The following SPI1 variants were observed in gnomAD, a reference collection of about 807,000 sequenced individuals.
SPI1 encodes Spi-1 proto-oncogene, also known as transcription factor PU.1.
Under a neutral mutation model 30.7 loss-of-function variants are expected in SPI1, and 3 were observed. The observed-to-expected ratio is 0.10, with a 90% confidence interval of 0.04 to 0.25. The LOEUF (loss-of-function observed/expected upper bound fraction) is 0.25, where lower values mean the gene tolerates loss of function less well. SPI1 is among the 10% of genes least tolerant of loss of function. SPI1 has a pLI of 1.00. For missense variants in SPI1, 261 were observed against 371.5 expected (o/e 0.70, Z 2.45); for synonymous variants, 169 against 157.1 (o/e 1.08, Z -0.56).
In SPI1 at chr11:47,375,760, C is replaced by G. The variant is rs373969852; in HGVS notation, c.46-31G>C. 18 of 1,579,460 alleles carry G rather than the reference C, an allele frequency of 1.1e-5. No individual in the cohort carries two copies. The highest frequency in any genetic ancestry group is 1.7e-5 in the Admixed American group (1 of 59,942). ...GAGAGAGGAGGTGTCAGGGCCTGCA[C>G]CATGGTGGGAGACCCCAGCCAGGCC... On this transcript the variant is annotated intron_variant, in intron 1 of 4. Transcript: ENST00000378538. This position sits in a 1 kb window ranked among gnomAD's most constrained non-coding sequence, Gnocchi z 4.2.
chr11:47,356,197 C>T lies in SPI1; in HGVS notation c.494-651G>A, dbSNP rs532323907. 7.3e-5 allele frequency among the ~76,000 whole-genome samples: 11 copies of T among 151,408 alleles called. No individual in the cohort carries two copies. In the East Asian group the frequency reaches 1.6e-3, roughly 22 times the overall value. On this transcript the variant is annotated intron_variant, in intron 4 of 4. Transcript: ENST00000378538. ...TTTCTCACACACCCACACAATGCAC[C>T]AGCTCACACTCACACACATGCTCAC...
chr11:47,355,068 G>T lies in SPI1; in HGVS notation c.*159C>A. On this transcript the variant is annotated 3_prime_UTR_variant, in exon 5 of 5. Coordinates refer to ENST00000378538, the MANE Select transcript of SPI1 (RefSeq NM_003120.3). ...GAGGGAGGCGAAGCGGGATGTGGAGGGGGCCTGGAGTGGGGGGAGGGGGCG... is the reference window on the plus strand; with the variant it reads ...GAGGGAGGCGAAGCGGGATGTGGAGTGGGCCTGGAGTGGGGGGAGGGGGCG... The T allele has an allele frequency of 4.6e-6, 2 of 438,756 alleles. No individual in the cohort carries two copies. The highest frequency in any genetic ancestry group is 7.3e-6 in the Non-Finnish European group (2 of 273,992). 27.2% of individuals were successfully genotyped at this position (438,756 alleles called of 1,614,324 possible).
intron 2 of SPI1, among the ~76,000 whole-genome samples, chr11:47,365,204 C>G (rs1281656229): frequency 6.6e-6 from 1 of 152,196 alleles, no homozygotes; most frequent in African/African-American, 2.4e-5. Context: ...TGTCCCTTCA[C>G]TGGGCCACCC....
chr11:47,359,342 G>T lies in SPI1; in HGVS notation c.331-336C>A, dbSNP rs2142883795. Among the ~76,000 whole-genome samples, 1 of 152,284 alleles carries T rather than the reference G, an allele frequency of 6.6e-6. No homozygotes were observed. The highest frequency in any genetic ancestry group is 2.1e-4 in the South Asian group (1 of 4,828). On this transcript the variant is annotated intron_variant, in intron 3 of 4. Transcript: ENST00000378538. The surrounding 1 kb of genome is among the most constrained non-coding windows in gnomAD (Gnocchi z 5.1). Reference sequence around the variant, plus strand: ...CGCATTAGGCTGGGGTCAGAAGAGGGCATGCTAGGGACCGGTGCGTTGGGT... The same window carrying T: ...CGCATTAGGCTGGGGTCAGAAGAGGTCATGCTAGGGACCGGTGCGTTGGGT...
chr11:47,369,221 C>T (rs1255335036), intron 2 of SPI1, among the ~76,000 whole-genome samples: 1 of 152,200 alleles, frequency 6.6e-6, no homozygotes, highest in African/African-American at 2.4e-5. Context: ...CACTGCACTC[C>T]AGCCTGGGTG....
intron 2 of SPI1, among the ~76,000 whole-genome samples, chr11:47,361,253 C>T (rs1400410160): frequency 6.6e-6 from 1 of 152,216 alleles, no homozygotes; most frequent in Non-Finnish European, 1.5e-5. Context: ...CAAGGTGTGA[C>T]AGCAGAGTCA....
intron 4 of SPI1, among the ~76,000 whole-genome samples, chr11:47,357,464 C>T (rs529846314): frequency 2.1e-3 from 312 of 152,098 alleles, no homozygotes; most frequent in Non-Finnish European, 3.2e-3. Context: ...CAGACACCTA[C>T]TTGCACACTC....
At chr11:47,357,860 C>A (rs554648209) in intron 4 of SPI1, among the ~76,000 whole-genome samples, 6 of 151,968 alleles carry the variant, frequency 3.9e-5, no homozygotes, top group Non-Finnish European at 5.9e-5. Context: ...CCACCACGCC[C>A]GGCCCACTCA....
chr11:47,357,479 G>T (rs995312983), intron 4 of SPI1, among the ~76,000 whole-genome samples: 2 of 150,772 alleles, frequency 1.3e-5, no homozygotes, highest in Middle Eastern at 6.6e-3. Flanking sequence ...ACACTCAAAT[G>T]CTCACACACA....
chr11:47,356,805 C>T (rs995272335), intron 4 of SPI1, among the ~76,000 whole-genome samples: 1 of 151,114 alleles, frequency 6.6e-6, no homozygotes, highest in Non-Finnish European at 1.5e-5. Flanking sequence ...CTTGCACGCA[C>T]ACACCTGCTT....
In SPI1 at chr11:47,355,140, G is replaced by T. The variant is rs2095906062; in HGVS notation, c.*87C>A. The stretch of plus-strand genomic sequence containing the variant: ...CCACAGTCCTGCCTCTGGGCCCCGG[G>T]AGCGTCCTCCCTGTGTCCGGGCCGG... On this transcript the variant is annotated 3_prime_UTR_variant, in exon 5 of 5. Coordinates refer to ENST00000378538, the MANE Select transcript of SPI1 (RefSeq NM_003120.3). 2.7e-6 allele frequency: 3 copies of T among 1,102,142 alleles called. No individual in the cohort carries two copies. Among genetic ancestry groups the T allele is most frequent in the Non-Finnish European group, 3.5e-6 (3 of 868,396 alleles). The allele number at this position is 1,102,142 out of a possible 1,614,324, so 68.3% of individuals were successfully genotyped here. A position where few individuals can be genotyped will look rare whatever the true frequency, so the allele number is the denominator to read the frequency against.
At chr11:47,376,140 A>C (rs555296702) in intron 1 of SPI1, among the ~76,000 whole-genome samples, 1 of 148,046 alleles carries the variant, frequency 6.8e-6, no homozygotes, top group Non-Finnish European at 1.5e-5. Context: ...GCCCCTACCC[A>C]CCCCCATGCA....
chr11:47,358,729 A>T, intron 4 of SPI1, 115 bp downstream of exon 4: 2 of 1,044,986 alleles, frequency 1.9e-6, no homozygotes, highest in Non-Finnish European at 2.9e-6. Context: ...AAACATGCAC[A>T]CACACACACA....
chr11:47,373,735 A>G (rs897131778), intron 2 of SPI1, among the ~76,000 whole-genome samples: 2 of 152,062 alleles, frequency 1.3e-5, no homozygotes, highest in African/African-American at 4.8e-5. Context: ...GACACCTGGG[A>G]ACACTGGTGG....
At chr11:47,369,805 C>T (rs2095933269) in intron 2 of SPI1, among the ~76,000 whole-genome samples, 1 of 152,150 alleles carries the variant, frequency 6.6e-6, no homozygotes, top group Non-Finnish European at 1.5e-5. Flanking sequence ...CAAAATAAAA[C>T]CATCACCACC....
chr11:47,357,825 C>T (rs1461331947), intron 4 of SPI1, among the ~76,000 whole-genome samples: 5 of 152,168 alleles, frequency 3.3e-5, no homozygotes, highest in Non-Finnish European at 7.3e-5. Context: ...CTCAGCCTCC[C>T]AAAGTGCTGG....
intron 2 of SPI1, among the ~76,000 whole-genome samples, chr11:47,373,580 G>A (rs532298259): frequency 5.9e-4 from 89 of 151,990 alleles, no homozygotes; most frequent in African/African-American, 2.0e-3. Context: ...CCCAGGAGGC[G>A]GAGGTTGCAG....
intron 2 of SPI1, among the ~76,000 whole-genome samples, chr11:47,369,707 A>G (rs189722201): frequency 3.7e-4 from 56 of 152,354 alleles, no homozygotes; most frequent in Middle Eastern, 6.8e-3. Flanking sequence ...TTCTAAGGGA[A>G]AAAATGATTT....
At chr11:47,358,592 CACACACTCATGGCACAGAGAG>C (rs1451513566) in intron 4 of SPI1, 1 of 703,862 alleles carries the variant, frequency 1.4e-6, no homozygotes, top group Admixed American at 2.0e-5. Flanking sequence ...CCCAGATGTA[CACACACTCATGGCACAGAGAG>C]ACACACACAC....
Sources: gnomAD v4.1 joint callset for allele counts (sites outside exome capture counted in the v4.1 genomes callset) on GRCh38, gnomAD v4.1.1 for gene constraint, Gnocchi (gnomAD v3.1) non-coding constraint, MANE v1.5 for transcripts, NCBI Gene and HGNC (gene_info 2026-07-23, HGNC 2026-07-21) for gene names.